ACSF3: variants seen among roughly 807,000 people sequenced by gnomAD.
ACSF3 encodes the protein acyl-CoA synthetase family member 3, also known as malonate--CoA ligase ACSF3, mitochondrial.
In ACSF3, 78 loss-of-function variants were observed where a neutral mutation model predicts 53.2. The observed-to-expected ratio is 1.47, with a 90% CI of 1.22 to 1.77. ACSF3 has a LOEUF of 1.77. ACSF3 is among the 40% of genes most tolerant of loss of function. The probability of loss-of-function intolerance (pLI) is 0.00; values close to 1 mark genes in which losing one functional copy is unlikely to be tolerated. For missense variants in ACSF3, 937 were observed against 771.1 expected, an observed-to-expected ratio of 1.22 and a Z score of -2.55; for synonymous variants, 414 against 333.1, an observed-to-expected ratio of 1.24 and a Z score of -2.65.
intron 10 of ACSF3, chr16:89,153,768 C>G (rs570732165): frequency 2.5e-6 from 1 of 406,200 alleles, no homozygotes; most frequent in Non-Finnish European, 4.6e-6. Flanking sequence ...AGGCCTGGCC[C>G]GGTGTGGGGG....
chr16:89,153,457 C>T (rs1057292158), intron 10 of ACSF3: 17 of 156,752 alleles, frequency 1.1e-4, no homozygotes, highest in African/African-American at 1.4e-4. Context: ...GTGTCAGCAC[C>T]GCCCACCGCC....
intron 7 of ACSF3, among the ~76,000 whole-genome samples, chr16:89,123,095 G>A (rs1907057480): frequency 6.6e-6 from 1 of 152,176 alleles, no homozygotes; most frequent in African/African-American, 2.4e-5. Flanking sequence ...AGCAGGCCCG[G>A]GAACATTTCC....
intron 4 of ACSF3, 30 bp downstream of exon 4, chr16:89,102,789 C>A (rs764683847): frequency 6.3e-7 from 1 of 1,585,198 alleles, no homozygotes; most frequent in East Asian, 2.3e-5. Context: ...CTCGGTTGCA[C>A]CCTCAGACTA....
At chr16:89,151,875 G>A (rs1258584769) in intron 10 of ACSF3, 1 of 152,222 alleles carries the variant, frequency 6.6e-6, no homozygotes, top group Admixed American at 6.5e-5. Flanking sequence ...CCGAAGTCCT[G>A]GAATTACAAG....
In ACSF3 at chr16:89,154,195, C is replaced by T. The variant is rs1914461577; in HGVS notation, c.1719C>T (p.Phe573=). The T allele has an allele frequency of 4.3e-6, 7 of 1,613,540 alleles. No homozygotes were observed. The highest frequency in any genetic ancestry group is 5.9e-6 in the Non-Finnish European group (7 of 1,179,880). ...KIDKKALIRH[F]HPS is the part of the protein sequence containing the mutation. ...ACAAGAAGGCGCTCATCAGGCACTTCCACCCCTCATGACCCGGCAGACTGG... is the reference window on the plus strand; with the variant it reads ...ACAAGAAGGCGCTCATCAGGCACTTTCACCCCTCATGACCCGGCAGACTGG... Residue 573 remains phenylalanine, a synonymous_variant, in exon 11 of 11, where the codon TTC becomes TTT. Coordinates refer to ENST00000614302, the MANE Select transcript of ACSF3 (RefSeq NM_001243279.3).
Position 89,155,087 on chromosome 16 carries a change from G to A in ACSF3, c.*880G>A, listed in dbSNP as rs752019138. On this transcript the variant is annotated 3_prime_UTR_variant, in exon 11 of 11. Transcript: ENST00000614302. Reference sequence around the variant, plus strand: ...GCCGATGCAGAAACCTCAGGAAGGTGTGTTGTGAATGTTGGGTGCACCCAC... The same window carrying A: ...GCCGATGCAGAAACCTCAGGAAGGTATGTTGTGAATGTTGGGTGCACCCAC... The A allele has an allele frequency of 2.2e-6, 1 of 454,172 alleles. No individual in the cohort carries two copies. Among genetic ancestry groups the A allele is most frequent in the South Asian group, 1.6e-5 (1 of 64,472 alleles). 28.1% of individuals were successfully genotyped at this position (454,172 alleles called of 1,614,324 possible). A position where few individuals can be genotyped will look rare whatever the true frequency, so the allele number is the denominator to read the frequency against.
intron 4 of ACSF3, among the ~76,000 whole-genome samples, chr16:89,103,985 C>T (rs1975678163): frequency 6.6e-6 from 1 of 152,178 alleles, no homozygotes; most frequent in Non-Finnish European, 1.5e-5. Flanking sequence ...TGCACAGCAT[C>T]GGGCCTCGCC....
intron 6 of ACSF3, 143 bp from the exon 7 acceptor site, chr16:89,120,658 G>A (rs1266558786): frequency 1.1e-5 from 9 of 809,556 alleles, no homozygotes; most frequent in Admixed American, 1.7e-5. Context: ...CTTCTCTCTG[G>A]GTCACAGGGC....
intron 1 of ACSF3, among the ~76,000 whole-genome samples, chr16:89,095,751 G>GC (rs1974541178): frequency 6.6e-6 from 1 of 152,236 alleles, no homozygotes; most frequent in African/African-American, 2.4e-5. Context: ...AGCACGGCGC[G>GC]GCCGTTTGTC....
chr16:89,112,698 C>T (rs1904305592), intron 5 of ACSF3, among the ~76,000 whole-genome samples: 1 of 152,176 alleles, frequency 6.6e-6, no homozygotes, highest in African/African-American at 2.4e-5. Context: ...CTCCATCTGT[C>T]TTTGTCTCCG....
In ACSF3 at chr16:89,125,698, AAGAG is replaced by A. The variant is rs56085364; in HGVS notation, c.1239+4803_1239+4806del. On this transcript the variant is annotated intron_variant, in intron 7 of 10. Transcript: ENST00000614302. ...AGAGTGAGACTGCCTCAAAAAAAAA[AAGAG>A]AGAGAGAGAGAGAGAGATGTTGATT... Among the ~76,000 whole-genome samples the A allele has an allele frequency of 9.5e-4, 141 of 147,968 alleles. 1 individual carries two copies. In the East Asian group the frequency reaches 0.015, roughly 16 times the overall value.
At chr16:89,098,868 C>A in intron 2 of ACSF3, 105 bp downstream of exon 2, 1 of 443,330 alleles carries the variant, frequency 2.3e-6, no homozygotes, top group Non-Finnish European at 4.6e-6. Context: ...GAGATGAAAC[C>A]TAACCTAATA....
In ACSF3 at chr16:89,155,644, C is replaced by T. The variant is rs962222032; in HGVS notation, c.*1437C>T. 11 of 454,106 alleles carry T rather than the reference C, an allele frequency of 2.4e-5. No homozygotes were observed. Among genetic ancestry groups the T allele is most frequent in the Admixed American group, 4.7e-5 (2 of 42,580 alleles). 28.1% of individuals were successfully genotyped at this position (454,106 alleles called of 1,614,324 possible). ...CGCCAGAGGCCTGGACCCAAGGGAA[C>T]GGCAGTCAGAGACTACAGTCCAGAC... On this transcript the variant is annotated 3_prime_UTR_variant, in exon 11 of 11. Transcript: ENST00000614302.
At chr16:89,135,976 T>C (rs1418045028) in intron 8 of ACSF3, among the ~76,000 whole-genome samples, 1 of 152,234 alleles carries the variant, frequency 6.6e-6, no homozygotes, top group Non-Finnish European at 1.5e-5. Flanking sequence ...GGTTTTGCCA[T>C]GTTGGCCAGG....
intron 8 of ACSF3, among the ~76,000 whole-genome samples, chr16:89,137,419 C>T (rs1237797480): frequency 1.9e-4 from 26 of 134,158 alleles, no homozygotes; most frequent in Middle Eastern, 4.5e-3. Flanking sequence ...ACCAGGAGCT[C>T]ACGGGGAAGG....
chr16:89,151,134 C>A, intron 10 of ACSF3: 2 of 917,206 alleles, frequency 2.2e-6, no homozygotes, highest in Non-Finnish European at 3.1e-6. Context: ...GATGGCGGCA[C>A]GGAGGGCTGC....
At chr16:89,143,126 G>A (rs1187143678) in intron 8 of ACSF3, among the ~76,000 whole-genome samples, 1 of 152,168 alleles carries the variant, frequency 6.6e-6, no homozygotes, top group Non-Finnish European at 1.5e-5. Context: ...AACACACAGG[G>A]GTTCCTTGTG....
intron 8 of ACSF3, among the ~76,000 whole-genome samples, chr16:89,141,722 G>T (rs1408522141): frequency 2.0e-5 from 3 of 152,214 alleles, no homozygotes; most frequent in Non-Finnish European, 4.4e-5. Flanking sequence ...TGACACTGGA[G>T]TGGGGAGCCG....
At chr16:89,131,127 C>CT (rs558773398) in intron 7 of ACSF3, among the ~76,000 whole-genome samples, 11,320 of 69,340 alleles carry the variant, frequency 0.16, 2,167 homozygotes, top group Non-Finnish European at 0.23. Flanking sequence ...TTTTCTTTTT[C>CT]TTTTTTTTTT....
Sources: gnomAD v4.1 joint callset for allele counts (sites outside exome capture counted in the v4.1 genomes callset) on GRCh38, gnomAD v4.1.1 for gene constraint, MANE v1.5 for transcripts, NCBI Gene and HGNC (gene_info 2026-07-23, HGNC 2026-07-21) for gene names.